Variants in LAMC1 observed in about 807,000 individuals in gnomAD.
LAMC1 encodes the protein laminin subunit gamma 1.
In LAMC1, 38 loss-of-function variants were observed where a neutral mutation model predicts 173.6. The ratio of observed to expected loss-of-function variants is 0.22; its 90% confidence interval spans 0.17 to 0.29. LAMC1 has a LOEUF of 0.29. LAMC1 is among the 10% of genes least tolerant of loss of function. The probability of loss-of-function intolerance (pLI) is 1.00; values close to 1 mark genes in which losing one functional copy is unlikely to be tolerated. For missense variants in LAMC1, 1,824 were observed against 2,051.8 expected, an observed-to-expected ratio of 0.89 and a Z score of 2.14; for synonymous variants, 746 against 749.1, an observed-to-expected ratio of 1.00 and a Z score of 0.07.
Position 183,130,386 on chromosome 1 carries a change from A to T in LAMC1, c.3323A>T (p.Asn1108Ile), listed in dbSNP as rs764164485. ...NLMDRLQRVN[N>I]TLSSQISRLQ... ...ATGGATCGCCTACAGAGAGTGAATAACACTCTGTCCAGCCAAATTAGCCGT... is the reference window on the plus strand; with the variant it reads ...ATGGATCGCCTACAGAGAGTGAATATCACTCTGTCCAGCCAAATTAGCCGT... Residue 1108 changes from asparagine (N) to isoleucine (I), a missense_variant, in exon 19 of 28, where the codon AAC becomes ATC. Asn to Ile is a moderately radical substitution (Grantham distance 149). Transcript: ENST00000258341. 1 of 1,614,170 alleles carries T rather than the reference A, an allele frequency of 6.2e-7. No homozygotes were observed. The highest frequency in any genetic ancestry group is 8.5e-7 in the Non-Finnish European group (1 of 1,179,980).
In LAMC1 at chr1:183,133,491, G is replaced by A; in HGVS notation, c.3790G>A (p.Ala1264Thr). The A allele has an allele frequency of 6.2e-7, 1 of 1,614,114 alleles. No homozygotes were observed. Among genetic ancestry groups the A allele is most frequent in the East Asian group, 2.2e-5 (1 of 44,870 alleles). ...GGAGGCCAAAAGGGCCGGTGACAAA[G>A]CTGTGGAGATCTATGCCAGCGTGGC... ...HEEAKRAGDK[A>T]VEIYASVAQL... The change falls in exon 22 of 28, where the codon GCT becomes ACT. Residue 1264 changes from alanine to threonine, a missense_variant. Ala to Thr is a moderately conservative substitution (Grantham distance 58). Coordinates refer to ENST00000258341, the MANE Select transcript of LAMC1 (RefSeq NM_002293.4).
chr1:183,077,685 TAGAATA>T (rs1169072975), intron 1 of LAMC1, among the ~76,000 whole-genome samples: 1 of 151,400 alleles, frequency 6.6e-6, no homozygotes, highest in Non-Finnish European at 1.5e-5. Context: ...TTACTTCACT[TAGAATA>T]AGAGTCTTCA....
intron 4 of LAMC1, among the ~76,000 whole-genome samples, chr1:183,112,208 G>A (rs998751177): frequency 1.3e-5 from 2 of 152,156 alleles, no homozygotes; most frequent in Admixed American, 6.5e-5. Flanking sequence ...ACATTTGTAA[G>A]CACTTGCTTG....
chr1:183,075,305 A>G (rs546840836), intron 1 of LAMC1, among the ~76,000 whole-genome samples: 8 of 152,086 alleles, frequency 5.3e-5, no homozygotes, highest in Admixed American at 3.9e-4. Context: ...TTACAAGGAC[A>G]GGGTTTCGCC....
chr1:183,028,153 TC>T (rs947126687), intron 1 of LAMC1, among the ~76,000 whole-genome samples: 104 of 53,286 alleles, frequency 2.0e-3, no homozygotes, highest in African/African-American at 3.6e-3. Flanking sequence ...AAGGCATTCC[TC>T]CCCCCCCCCA....
intron 1 of LAMC1, among the ~76,000 whole-genome samples, chr1:183,058,896 T>C (rs921930665): frequency 6.6e-6 from 1 of 152,260 alleles, no homozygotes; most frequent in Non-Finnish European, 1.5e-5. Context: ...GCCTGTCAGC[T>C]GCAATCAAAG....
chr1:183,117,169 G>A (rs1656346233), intron 8 of LAMC1, 151 bp from the exon 9 acceptor site: 1 of 764,654 alleles, frequency 1.3e-6, no homozygotes, highest in South Asian at 2.0e-5. Flanking sequence ...AGCATATATT[G>A]GTACTGTTGT....
chr1:183,024,199 G>A, intron 1 of LAMC1, 65 bp downstream of exon 1: 1 of 1,452,672 alleles, frequency 6.9e-7, no homozygotes, highest in Non-Finnish European at 9.2e-7. Flanking sequence ...GACCGGCTCC[G>A]TCCCAGTGGC....
At chr1:183,062,450 C>T (rs190136877) in intron 1 of LAMC1, among the ~76,000 whole-genome samples, 4 of 152,026 alleles carry the variant, frequency 2.6e-5, no homozygotes, top group East Asian at 1.9e-4. Context: ...GTCAGGAGTT[C>T]GAGACCACCT....
Position 183,143,373 on chromosome 1 carries a change from T to C in LAMC1, c.*583T>C, listed in dbSNP as rs751591142. On this transcript the variant is annotated 3_prime_UTR_variant, in exon 28 of 28. Coordinates refer to ENST00000258341, the MANE Select transcript of LAMC1 (RefSeq NM_002293.4). ...AGCCATCCATCAGTGCTTTTAGTTA[T>C]TATGAGTGTAGGACACTGAGCCATC... 6.5e-6 allele frequency: 1 copy of C among 153,566 alleles called. No homozygotes were observed. The highest frequency in any genetic ancestry group is 2.4e-5 in the African/African-American group (1 of 41,444). 9.5% of individuals were successfully genotyped at this position (153,566 alleles called of 1,614,324 possible).
In LAMC1 at chr1:183,028,684, G is replaced by C. The variant is rs145544331; in HGVS notation, c.418+4550G>C. On this transcript the variant is annotated intron_variant, in intron 1 of 27. Coordinates refer to ENST00000258341, the MANE Select transcript of LAMC1 (RefSeq NM_002293.4). Reference sequence around the variant, plus strand: ...TTCTAAGCCACTTTTAAAATTTCATGTATACCCTGGTTCAGAGATACCAGA... The same window carrying C: ...TTCTAAGCCACTTTTAAAATTTCATCTATACCCTGGTTCAGAGATACCAGA... Among the ~76,000 whole-genome samples, 253 of 152,318 alleles carry C rather than the reference G, an allele frequency of 1.7e-3. No individual in the cohort carries two copies. In the East Asian group the frequency reaches 0.025, roughly 15 times the overall value.
rs184873792 is a variant in LAMC1, at chr1:183,097,838, G to T, written c.419-5490G>T. 1.2e-3 allele frequency among the ~76,000 whole-genome samples: 187 copies of T among 152,276 alleles called. 2 individuals are homozygous for T. Among genetic ancestry groups the T allele is most frequent in the Non-Finnish European group, 2.1e-3 (145 of 68,022 alleles). ...TGCTTCATTCTAAACATCTGCCCTT[G>T]AGTTTTTTGTTTATGGAAGGGATAT... On this transcript the variant is annotated intron_variant, in intron 1 of 27. Transcript: ENST00000258341.
intron 1 of LAMC1, among the ~76,000 whole-genome samples, chr1:183,092,428 G>GA (rs34276693): frequency 4.0e-4 from 58 of 145,802 alleles, no homozygotes; most frequent in African/African-American, 5.4e-4. Flanking sequence ...AGTTTAAGAA[G>GA]AAAAAAAAAA....
intron 1 of LAMC1, among the ~76,000 whole-genome samples, chr1:183,091,467 G>T (rs1655564298): frequency 6.6e-6 from 1 of 152,012 alleles, no homozygotes; most frequent in Non-Finnish European, 1.5e-5. Flanking sequence ...GCTACTTAAA[G>T]TGTGTCCTAC....
chr1:183,027,942 G>T (rs1324388766), intron 1 of LAMC1, among the ~76,000 whole-genome samples: 1 of 152,110 alleles, frequency 6.6e-6, no homozygotes, highest in Non-Finnish European at 1.5e-5. Context: ...TCTCACAAAG[G>T]CCTGATTTAC....
intron 1 of LAMC1, among the ~76,000 whole-genome samples, chr1:183,029,249 T>G (rs1653782369): frequency 6.6e-6 from 1 of 152,208 alleles, no homozygotes; most frequent in Non-Finnish European, 1.5e-5. Flanking sequence ...CTATGTGTCT[T>G]GAATGCTTAT....
chr1:183,024,542 C>CT (rs1327276754), intron 1 of LAMC1, among the ~76,000 whole-genome samples: 1 of 152,198 alleles, frequency 6.6e-6, no homozygotes, highest in Non-Finnish European at 1.5e-5. Context: ...GCCTTAAACA[C>CT]TTTCGCCTTT....
rs1656263162 is a variant in LAMC1, at chr1:183,114,548, C to T, written c.1039C>T (p.Arg347Ter). Residue 347 changes from arginine (R) to a stop codon, truncating the protein, a stop_gained, in exon 5 of 28, where the codon CGA (arginine) becomes TGA (stop). Coordinates refer to ENST00000258341, the MANE Select transcript of LAMC1 (RefSeq NM_002293.4). LOFTEE classifies it high-confidence loss of function. The part of the protein sequence containing the change: ...SECLPCDCNG[R>*]SQECYFDPEL... ...ACTGACAGCCTGTGATTGCAATGGTCGATCCCAGGAATGCTACTTCGACCC... is the reference window on the plus strand; with the variant it reads ...ACTGACAGCCTGTGATTGCAATGGTTGATCCCAGGAATGCTACTTCGACCC... 3 of 1,614,108 alleles carry T rather than the reference C, an allele frequency of 1.9e-6. No homozygotes were observed. Among genetic ancestry groups the T allele is most frequent in the Non-Finnish European group, 2.5e-6 (3 of 1,180,020 alleles).
rs150331473 is a variant in LAMC1 at position 183,127,200 on chromosome 1, T to C, written c.2945-26T>C. The C allele has an allele frequency of 3.7e-4, 589 of 1,603,376 alleles. 1 individual carries two copies. The African/African-American group carries it at 5.9e-3, about 16-fold the overall frequency. On this transcript the variant is annotated intron_variant, in intron 16 of 27. Transcript: ENST00000258341. ...ATACTCTTCCTTCTTTTGCTAATTA[T>C]GTATTATTTTCTCCTTATTCTGCAG...
Sources: allele counts gnomAD v4.1 joint callset (sites outside exome capture counted in the v4.1 genomes callset), GRCh38; gene constraint gnomAD v4.1.1; transcripts MANE v1.5; gene names NCBI Gene and HGNC (gene_info 2026-07-23, HGNC 2026-07-21).